The following KIAA1328 variants were observed in gnomAD, a reference collection of about 807,000 sequenced individuals.
The protein encoded by KIAA1328 is KIAA1328, also known as protein hinderin.
A neutral mutation model predicts 68.1 loss-of-function variants in KIAA1328; 52 were observed. The observed-to-expected ratio is 0.76, with a 90% CI of 0.61 to 0.96. The LOEUF is 0.96. Ranked by LOEUF, KIAA1328 falls within the 40% of genes least tolerant of loss-of-function variation. KIAA1328 has a pLI of 0.00. For missense variants in KIAA1328, 641 were observed against 677.6 expected, an observed-to-expected ratio of 0.95 and a Z score of 0.60; for synonymous variants, 232 against 239.4, an observed-to-expected ratio of 0.97 and a Z score of 0.28.
At chr18:36,896,735 T>G (rs2048879399) in intron 5 of KIAA1328, among the ~76,000 whole-genome samples, 1 of 152,200 alleles carries the variant, frequency 6.6e-6, no homozygotes, top group African/African-American at 2.4e-5. Flanking sequence ...AGACTTTAAA[T>G]AAATCAATCT....
At chr18:36,951,417 C>G (rs2051156458) in intron 5 of KIAA1328, among the ~76,000 whole-genome samples, 1 of 152,002 alleles carries the variant, frequency 6.6e-6, no homozygotes, top group Non-Finnish European at 1.5e-5. Flanking sequence ...CAGTAGTAAA[C>G]AAAACAAAAA....
At chr18:37,076,322 A>G (rs1320933447) in intron 7 of KIAA1328, among the ~76,000 whole-genome samples, 1 of 152,146 alleles carries the variant, frequency 6.6e-6, no homozygotes, top group Non-Finnish European at 1.5e-5. Context: ...TCTCTGGGAC[A>G]CATTCAAAGC....
intron 6 of KIAA1328, among the ~76,000 whole-genome samples, chr18:37,015,843 C>T (rs1229309525): frequency 1.3e-5 from 2 of 152,072 alleles, no homozygotes; most frequent in African/African-American, 4.8e-5. Flanking sequence ...TTTTTCTAAA[C>T]TTATTTTGTA....
intron 6 of KIAA1328, among the ~76,000 whole-genome samples, chr18:37,046,275 A>T (rs994121948): frequency 2.0e-4 from 30 of 152,358 alleles, no homozygotes; most frequent in African/African-American, 7.0e-4. Context: ...GAGAAAAATG[A>T]CTAACTCAGT....
chr18:37,112,062 G>A (rs1455351938), intron 7 of KIAA1328, among the ~76,000 whole-genome samples: 2 of 152,190 alleles, frequency 1.3e-5, no homozygotes, highest in Admixed American at 6.5e-5. Context: ...GCTCAAGGAG[G>A]CCTGCCTGCC....
At chr18:36,888,413 CA>C (rs2048572507) in intron 5 of KIAA1328, among the ~76,000 whole-genome samples, 1 of 152,122 alleles carries the variant, frequency 6.6e-6, no homozygotes, top group Non-Finnish European at 1.5e-5. Context: ...TGAGTAAAGT[CA>C]AAGACTTTTA....
chr18:37,159,151 A>C (rs1042815807), intron 7 of KIAA1328, among the ~76,000 whole-genome samples: 2 of 152,208 alleles, frequency 1.3e-5, no homozygotes, highest in African/African-American at 4.8e-5. Flanking sequence ...CTGAACATAA[A>C]GCCATTTACT....
At chr18:37,099,339 A>G (rs2057523032) in intron 7 of KIAA1328, among the ~76,000 whole-genome samples, 1 of 152,210 alleles carries the variant, frequency 6.6e-6, no homozygotes, top group Non-Finnish European at 1.5e-5. Context: ...TGTACCCAGT[A>G]GTCATTCAGG....
At chr18:36,966,898 G>C (rs1444412953) in intron 6 of KIAA1328, among the ~76,000 whole-genome samples, 1 of 152,006 alleles carries the variant, frequency 6.6e-6, no homozygotes, top group South Asian at 2.1e-4. Context: ...TTCCTTTTTT[G>C]TGGAAACTGG....
intron 6 of KIAA1328, among the ~76,000 whole-genome samples, chr18:36,965,552 G>A (rs2051891162): frequency 6.9e-6 from 1 of 144,012 alleles, no homozygotes; most frequent in Admixed American, 6.9e-5. Flanking sequence ...TGTATTTTTA[G>A]TAGAGACGGG....
chr18:36,885,336 C>G (rs1055444899), intron 4 of KIAA1328, among the ~76,000 whole-genome samples: 1 of 152,066 alleles, frequency 6.6e-6, no homozygotes, highest in African/African-American at 2.4e-5. Flanking sequence ...TGATTGAAAA[C>G]ATTTTTAATG....
At chr18:37,134,442 A>C (rs1367192421) in intron 7 of KIAA1328, among the ~76,000 whole-genome samples, 1 of 152,188 alleles carries the variant, frequency 6.6e-6, no homozygotes, top group Non-Finnish European at 1.5e-5. Flanking sequence ...TATTATAAAC[A>C]ATATATTTTT....
At chr18:36,860,912 T>A (rs967271372) in intron 4 of KIAA1328, among the ~76,000 whole-genome samples, 2 of 152,160 alleles carry the variant, frequency 1.3e-5, no homozygotes, top group Non-Finnish European at 2.9e-5. Context: ...CAATAAGCTA[T>A]TTTTTAAAAA....
At chr18:37,123,975 G>C (rs2058332509) in intron 7 of KIAA1328, among the ~76,000 whole-genome samples, 1 of 152,098 alleles carries the variant, frequency 6.6e-6, no homozygotes, top group East Asian at 1.9e-4. Context: ...GGTGCCAGGA[G>C]GCTAGAGATG....
At chr18:37,191,354 A>G (rs886791251) in intron 9 of KIAA1328, among the ~76,000 whole-genome samples, 3 of 152,218 alleles carry the variant, frequency 2.0e-5, no homozygotes, top group Admixed American at 1.3e-4. Context: ...AGTGGCAAGC[A>G]AGTAGCACTT....
chr18:37,134,269 C>T (rs1250537725), intron 7 of KIAA1328, among the ~76,000 whole-genome samples: 2 of 152,132 alleles, frequency 1.3e-5, no homozygotes, highest in Admixed American at 1.3e-4. Context: ...CCTCAGCCTC[C>T]TAAAGTGCTG....
chr18:37,129,185 C>A (rs980370613), intron 7 of KIAA1328, among the ~76,000 whole-genome samples: 3 of 151,892 alleles, frequency 2.0e-5, no homozygotes, highest in Non-Finnish European at 2.9e-5. Flanking sequence ...TTAAAAAAAA[C>A]CCTAAAGATG....
intron 7 of KIAA1328, among the ~76,000 whole-genome samples, chr18:37,152,375 C>T (rs2059055176): frequency 6.6e-6 from 1 of 151,970 alleles, no homozygotes; most frequent in African/African-American, 2.4e-5. Context: ...ATATAGATTC[C>T]CCTGGTATCG....
intron 9 of KIAA1328, among the ~76,000 whole-genome samples, chr18:37,195,005 G>T (rs2059976768): frequency 6.6e-6 from 1 of 152,202 alleles, no homozygotes; most frequent in Non-Finnish European, 1.5e-5. Context: ...TATTTGGGTG[G>T]TACATGTGGT....
Sources: gnomAD v4.1 joint callset for allele counts (sites outside exome capture counted in the v4.1 genomes callset) on GRCh38, gnomAD v4.1.1 for gene constraint, MANE v1.5 for transcripts, NCBI Gene and HGNC (gene_info 2026-07-23, HGNC 2026-07-21) for gene names.